Variants in ANKRD26 observed in about 807,000 individuals in gnomAD.
ANKRD26 encodes the protein ankyrin repeat domain-containing protein 26.
ANKRD26 carries 141 observed loss-of-function variants against 208.7 expected under a neutral mutation model. The observed-to-expected ratio is 0.68, with a 90% CI of 0.59 to 0.78. ANKRD26 has a LOEUF of 0.78. Among genes scored for constraint, ANKRD26 ranks in the 30% least tolerant of loss-of-function variants. The probability of loss-of-function intolerance (pLI) is 0.00; values close to 1 mark genes in which losing one functional copy is unlikely to be tolerated. For synonymous variants in ANKRD26, 636 were observed against 660.4 expected (o/e 0.96, Z 0.57); for missense variants, 1,889 against 1,938.7 (o/e 0.97, Z 0.48).
intron 27 of ANKRD26, 117 bp from the exon 28 acceptor site, chr10:27,024,676 T>C: frequency 1.8e-6 from 1 of 562,700 alleles, no homozygotes; most frequent in Non-Finnish European, 3.2e-6. Flanking sequence ...AAATGCAGTT[T>C]ATAAACCTAA....
At chr10:27,016,784 A>G (rs1368138000) in intron 30 of ANKRD26, among the ~76,000 whole-genome samples, 2 of 152,172 alleles carry the variant, frequency 1.3e-5, no homozygotes, top group Admixed American at 1.3e-4. Context: ...ATCCCTTAAT[A>G]AAATTTAATT....
intron 11 of ANKRD26, among the ~76,000 whole-genome samples, chr10:27,064,932 G>A (rs2055187492): frequency 6.6e-6 from 1 of 152,118 alleles, no homozygotes; most frequent in African/African-American, 2.4e-5. Context: ...TCTTTTCTAT[G>A]CCCTATAATA....
chr10:27,090,764 G>C (rs2056274373), intron 4 of ANKRD26, among the ~76,000 whole-genome samples: 1 of 152,050 alleles, frequency 6.6e-6, no homozygotes, highest in Non-Finnish European at 1.5e-5. Context: ...GTCAGCTAGG[G>C]GTCAGATAAG....
At chr10:27,067,018 G>C in intron 10 of ANKRD26, 139 bp downstream of exon 10, 1 of 850,964 alleles carries the variant, frequency 1.2e-6, no homozygotes. Context: ...TGTTGGCTAG[G>C]CTGGTCTCGA....
At chr10:26,962,363 T>C in the ANKRD26 span, among the ~76,000 whole-genome samples, 1 of 151,654 alleles carries the variant, frequency 6.6e-6, no homozygotes, top group Admixed American at 6.6e-5. Flanking sequence ...TCACCTGAGG[T>C]CAGGAGTTCA....
At chr10:27,068,584 G>A (rs1229208169) in intron 9 of ANKRD26, among the ~76,000 whole-genome samples, 1 of 152,154 alleles carries the variant, frequency 6.6e-6, no homozygotes, top group East Asian at 1.9e-4. Flanking sequence ...AACACAGTCA[G>A]AGGGAACAGG....
chr10:27,006,921 T>G lies in ANKRD26; in HGVS notation c.4995A>C (p.Lys1665Asn). The G allele has an allele frequency of 6.2e-7, 1 of 1,608,680 alleles. No homozygotes were observed. The highest frequency in any genetic ancestry group is 8.5e-7 in the Non-Finnish European group (1 of 1,176,050). ...ELEKNITREL[K>N]EAAAELESGS... ...TCATGAAGTTTGGCAACATACCTTCTTTGAGTTCTCTAGTTATATTTTTTT... is the reference window on the plus strand; with the variant it reads ...TCATGAAGTTTGGCAACATACCTTCGTTGAGTTCTCTAGTTATATTTTTTT... The change falls in exon 33 of 34, where the codon AAA (lysine) becomes AAC (asparagine). Residue 1665 changes from lysine to asparagine, a missense_variant. By Grantham distance (94) the Lys-to-Asn change is moderately conservative. Around this residue, in one of 3 missense-constraint regions of ANKRD26, gnomAD observed 613 missense variants for 648.2 expected, o/e 0.95. Coordinates refer to ENST00000376087, the MANE Select transcript of ANKRD26 (RefSeq NM_014915.3).
At chr10:26,954,503 A>AT in the ANKRD26 span, among the ~76,000 whole-genome samples, 5 of 151,926 alleles carry the variant, frequency 3.3e-5, no homozygotes, top group East Asian at 5.8e-4. Context: ...TTACCTGTTT[A>AT]TTTTTTCAGA....
At chr10:27,002,659 T>C (rs2052750852), downstream of ANKRD26, among the ~76,000 whole-genome samples, 1 of 152,344 alleles carries the variant, frequency 6.6e-6, no homozygotes, top group East Asian at 1.9e-4. Flanking sequence ...CAAATTACTA[T>C]AAAATAAAAT....
chr10:27,086,464 G>A, intron 5 of ANKRD26, 75 bp downstream of exon 5: 1 of 1,567,102 alleles, frequency 6.4e-7, no homozygotes, highest in South Asian at 1.1e-5. Flanking sequence ...GCTTTTCTGT[G>A]ATCAACACTT....
At chr10:26,952,056 A>C in the ANKRD26 span, among the ~76,000 whole-genome samples, 1 of 124,596 alleles carries the variant, frequency 8.0e-6, no homozygotes, top group Non-Finnish European at 1.7e-5. Context: ...CCACTATTCT[A>C]CTTCCCTAAT....
At chr10:27,038,194 G>A (rs943182361) in intron 21 of ANKRD26, 140 bp from the exon 22 acceptor site, 1 of 731,326 alleles carries the variant, frequency 1.4e-6, no homozygotes, top group African/African-American at 1.8e-5. Flanking sequence ...CTAGTTCTCT[G>A]ATTTTTAATT....
chr10:27,033,172 T>C (rs1020337672), intron 25 of ANKRD26, 53 bp downstream of exon 25: 27 of 1,435,456 alleles, frequency 1.9e-5, no homozygotes, highest in South Asian at 1.8e-4. Context: ...TAAAACACTA[T>C]ATATTTAACC....
intron 5 of ANKRD26, among the ~76,000 whole-genome samples, chr10:27,083,367 A>G (rs1029663266): frequency 2.0e-5 from 3 of 152,160 alleles, no homozygotes; most frequent in Non-Finnish European, 4.4e-5. Context: ...CTTAAATGAA[A>G]AAAAAAATTT....
intron 6 of ANKRD26, among the ~76,000 whole-genome samples, chr10:27,082,076 GGAGA>G (rs796239080): frequency 5.2e-4 from 20 of 38,416 alleles, no homozygotes; most frequent in Admixed American, 3.4e-3. Flanking sequence ...AAAAAAAAAG[GGAGA>G]GAGAGAAACA....
downstream of ANKRD26, among the ~76,000 whole-genome samples, chr10:26,990,931 C>CA (rs2052474989): frequency 6.6e-6 from 1 of 152,204 alleles, no homozygotes; most frequent in African/African-American, 2.4e-5. Flanking sequence ...ATTAGCAAGA[C>CA]AAAATCCCAA....
intron 5 of ANKRD26, among the ~76,000 whole-genome samples, chr10:26,979,717 C>T (rs181328352): frequency 1.4e-4 from 22 of 152,246 alleles, no homozygotes; most frequent in African/African-American, 4.8e-4. Context: ...CTTTAACTTC[C>T]TCAGAGCACC....
At chr10:26,973,649 C>CTTTTTTTTTTTT (rs71386903), downstream of ANKRD26, among the ~76,000 whole-genome samples, 24 of 88,430 alleles carry the variant, frequency 2.7e-4, no homozygotes, top group Non-Finnish European at 4.0e-4. Flanking sequence ...TTTATTTGTC[C>CTTTTTTTTTTTT]TTTTTTTTTT....
intron 12 of ANKRD26, 82 bp downstream of exon 12, chr10:27,063,906 G>C (rs149396554): frequency 2.7e-6 from 3 of 1,131,344 alleles, no homozygotes; most frequent in Non-Finnish European, 3.9e-6. Flanking sequence ...GATTTTCTTC[G>C]GCTATTAGAA....
Sources: gnomAD v4.1 joint callset for allele counts (sites outside exome capture counted in the v4.1 genomes callset) on GRCh38, gnomAD v4.1.1 for gene constraint, gnomAD v4.1.1 regional missense constraint, MANE v1.5 for transcripts, NCBI Gene and HGNC (gene_info 2026-07-23, HGNC 2026-07-21) for gene names.